HMG20A: variants seen among roughly 807,000 people sequenced by gnomAD.
HMG20A encodes high mobility group 20A, also known as high mobility group protein 20A.
Under a neutral mutation model 43.9 loss-of-function variants are expected in HMG20A, and 17 were observed. That is an observed-to-expected ratio of 0.39 (90% CI 0.27 to 0.58). HMG20A has a LOEUF of 0.58. Among genes scored for constraint, HMG20A ranks in the 20% least tolerant of loss-of-function variants. HMG20A has a pLI of 0.59. For missense variants in HMG20A, 341 were observed against 438.2 expected (o/e 0.78, Z 1.98); for synonymous variants, 132 against 147.5 (o/e 0.89, Z 0.76).
chr15:77,440,780 G>A (rs1437214045), intron 1 of HMG20A, among the ~76,000 whole-genome samples: 1 of 152,118 alleles, frequency 6.6e-6, no homozygotes, highest in Middle Eastern at 3.2e-3. Flanking sequence ...CTTCTCTGAG[G>A]CAGTGAGGAA....
intron 2 of HMG20A, among the ~76,000 whole-genome samples, chr15:77,461,071 C>G (rs1056626724): frequency 6.6e-6 from 1 of 151,464 alleles, no homozygotes; most frequent in Non-Finnish European, 1.5e-5. Flanking sequence ...GCAGAAAAGC[C>G]AGAAGAGTGA....
the HMG20A span, among the ~76,000 whole-genome samples, chr15:77,500,995 C>T: frequency 6.6e-6 from 1 of 152,166 alleles, no homozygotes; most frequent in South Asian, 2.1e-4. Context: ...GATGCTTTTC[C>T]TGATCCCCAA....
At chr15:77,492,664 A>T in the HMG20A span, among the ~76,000 whole-genome samples, 333 of 151,904 alleles carry the variant, frequency 2.2e-3, 2 homozygotes, top group African/African-American at 7.2e-3. Context: ...TAAAAAAAAA[A>T]TTTTTAATTA....
chr15:77,518,360 C>T, the HMG20A span, among the ~76,000 whole-genome samples: 1 of 152,054 alleles, frequency 6.6e-6, no homozygotes, highest in African/African-American at 2.4e-5. Context: ...TGGATAAAAT[C>T]CCAGCCTTTC....
chr15:77,438,839 G>A (rs2073578724), intron 1 of HMG20A, among the ~76,000 whole-genome samples: 1 of 152,014 alleles, frequency 6.6e-6, no homozygotes, highest in African/African-American at 2.4e-5. Context: ...CACCCAGGCT[G>A]GAGTGCAGTG....
At chr15:77,459,231 C>T (rs762364404) in intron 2 of HMG20A, among the ~76,000 whole-genome samples, 7 of 152,122 alleles carry the variant, frequency 4.6e-5, no homozygotes, top group Non-Finnish European at 8.8e-5. Flanking sequence ...CGTTGATATC[C>T]GCCTTTGACC....
At chr15:77,510,709 T>C in the HMG20A span, among the ~76,000 whole-genome samples, 4 of 152,152 alleles carry the variant, frequency 2.6e-5, no homozygotes, top group Non-Finnish European at 5.9e-5. Flanking sequence ...CCGGCAGTAG[T>C]CCGTCCTTGG....
intron 4 of HMG20A, 76 bp from the exon 5 acceptor site, chr15:77,470,834 T>G: frequency 7.7e-7 from 1 of 1,295,526 alleles, no homozygotes; most frequent in East Asian, 2.7e-5. Flanking sequence ...TTGTCCTGTT[T>G]TCTTCAAATA....
chr15:77,476,288 C>T (rs183036322), intron 6 of HMG20A, among the ~76,000 whole-genome samples: 210 of 152,164 alleles, frequency 1.4e-3, no homozygotes, highest in Non-Finnish European at 1.7e-3. Flanking sequence ...TCAAGACCAG[C>T]CTGGCCAACA....
At chr15:77,508,584 G>C in the HMG20A span, among the ~76,000 whole-genome samples, 2 of 152,174 alleles carry the variant, frequency 1.3e-5, no homozygotes, top group African/African-American at 4.8e-5. Flanking sequence ...CCACCCCTGG[G>C]GTGAGGGTCT....
Position 77,470,957 on chromosome 15 carries a change from A to G in HMG20A, c.498A>G (p.Glu166=), listed in dbSNP as rs767108944. The change falls in exon 5 of 10, where the codon GAA becomes GAG. Residue 166 remains glutamate, a synonymous_variant. Transcript: ENST00000336216. The part of the protein sequence containing the change: ...ADRDKERYMK[E]LEQYQKTEAY... ...GAGATAAGGAGCGTTACATGAAGGA[A>G]CTGGAACAGTATCAGAAAACAGAGG... The G allele has an allele frequency of 4.3e-6, 7 of 1,612,752 alleles. No individual in the cohort carries two copies. The highest frequency in any genetic ancestry group is 3.3e-5 in the Admixed American group (2 of 59,748).
At chr15:77,478,715 A>G (rs926161797) in intron 8 of HMG20A, among the ~76,000 whole-genome samples, 1 of 152,226 alleles carries the variant, frequency 6.6e-6, no homozygotes, top group African/African-American at 2.4e-5. Context: ...TGGTCATTCA[A>G]ATTTTTGTCC....
At chr15:77,461,473 T>C (rs1390029301) in intron 2 of HMG20A, among the ~76,000 whole-genome samples, 2 of 152,164 alleles carry the variant, frequency 1.3e-5, no homozygotes, top group African/African-American at 4.8e-5. Context: ...AAGGACAGAA[T>C]TGCTGAAAAT....
Position 77,449,972 on chromosome 15 carries a change from A to G in HMG20A, c.-4-8432A>G, listed in dbSNP as rs1212910917. Among the ~76,000 whole-genome samples, 7 of 152,192 alleles carry G rather than the reference A, an allele frequency of 4.6e-5. No homozygotes were observed. In the East Asian group the frequency reaches 1.2e-3, roughly 25 times the overall value. On this transcript the variant is annotated intron_variant, in intron 1 of 9. Transcript: ENST00000336216. ...TATTCATCCTACTCCCCTGGCAACC[A>G]CTAATCTTTTTACTGTCTCCATACT...
At chr15:77,494,364 C>T in the HMG20A span, among the ~76,000 whole-genome samples, 1 of 152,180 alleles carries the variant, frequency 6.6e-6, no homozygotes, top group Non-Finnish European at 1.5e-5. Flanking sequence ...CTCCTAGGCT[C>T]AAGCAATCCA....
At chr15:77,435,767 A>G (rs1052818987) in intron 1 of HMG20A, among the ~76,000 whole-genome samples, 3 of 151,870 alleles carry the variant, frequency 2.0e-5, no homozygotes, top group Non-Finnish European at 4.4e-5. Context: ...GTTGTCAAAA[A>G]ACTTGGGCAT....
At chr15:77,485,808 T>A (rs2142372101), downstream of HMG20A, among the ~76,000 whole-genome samples, 1 of 152,316 alleles carries the variant, frequency 6.6e-6, no homozygotes, top group East Asian at 1.9e-4. Flanking sequence ...GGCATGAGCC[T>A]GTAGTCCCAG....
At chr15:77,438,781 G>C (rs1195209796) in intron 1 of HMG20A, among the ~76,000 whole-genome samples, 1 of 152,018 alleles carries the variant, frequency 6.6e-6, no homozygotes, top group Non-Finnish European at 1.5e-5. Flanking sequence ...CATTTCAAGA[G>C]AAAATGTTTT....
At chr15:77,429,466 G>T (rs1385387654) in intron 1 of HMG20A, among the ~76,000 whole-genome samples, 1 of 151,546 alleles carries the variant, frequency 6.6e-6, no homozygotes, top group Admixed American at 6.6e-5. Context: ...TTTAATTCCT[G>T]TTCTCTTGAT....
Sources: allele counts gnomAD v4.1 joint callset (sites outside exome capture counted in the v4.1 genomes callset), GRCh38; gene constraint gnomAD v4.1.1; transcripts MANE v1.5; gene names NCBI Gene and HGNC (gene_info 2026-07-23, HGNC 2026-07-21).